The following ALDH6A1 variants were observed in gnomAD, a reference collection of about 807,000 sequenced individuals.
The protein encoded by ALDH6A1 is aldehyde dehydrogenase 6 family member A1.
In ALDH6A1, 43 loss-of-function variants were observed where a neutral mutation model predicts 62.6. The observed-to-expected ratio is 0.69, with a 90% CI of 0.54 to 0.89. The LOEUF (loss-of-function observed/expected upper bound fraction) is 0.89, where lower values mean the gene tolerates loss of function less well. Among genes scored for constraint, ALDH6A1 ranks in the 40% least tolerant of loss-of-function variants. The probability of loss-of-function intolerance (pLI) is 0.00; values close to 1 mark genes in which losing one functional copy is unlikely to be tolerated. For synonymous variants in ALDH6A1, 194 were observed against 234.2 expected (o/e 0.83, Z 1.57); for missense variants, 551 against 661.3 (o/e 0.83, Z 1.83).
intron 4 of ALDH6A1, 56 bp downstream of exon 4, chr14:74,072,147 G>T: frequency 6.2e-7 from 1 of 1,612,528 alleles, no homozygotes; most frequent in Non-Finnish European, 8.5e-7. Flanking sequence ...CTCTGTGAGA[G>T]TGACAAACAT....
In ALDH6A1 at chr14:74,064,893, G is replaced by A. The variant is rs201279537; in HGVS notation, c.1432C>T (p.Pro478Ser). Residue 478 changes from proline (P) to serine (S), a missense_variant, in exon 11 of 12, where the codon CCT becomes TCT. Transcript: ENST00000553458. ...QVGVNVPIPV[P>S]LPMFSFTGSR... Reference sequence around the variant, plus strand: ...CCGGTGAATGAGAACATTGGCAAAGGCACTGGAATGGGGACATTCACTCCC... The same window carrying A: ...CCGGTGAATGAGAACATTGGCAAAGACACTGGAATGGGGACATTCACTCCC... The A allele has an allele frequency of 1.2e-6, 2 of 1,614,032 alleles. No homozygotes were observed. The highest frequency in any genetic ancestry group is 2.2e-5 in the East Asian group (1 of 44,876).
Position 74,068,866 on chromosome 14 carries a change from G to A in ALDH6A1, c.846C>T (p.Ala282=), listed in dbSNP as rs570743109. 6.2e-6 allele frequency: 10 copies of A among 1,613,960 alleles called. No homozygotes were observed. The South Asian group carries it at 9.9e-5, about 16-fold the overall frequency. The stretch of plus-strand genomic sequence containing the variant: ...AAAAGGAATAAGAAGTCACCATATT[G>A]GCTTGAACCCTCTTGCCATGTCTTG... ...RGSRHGKRVQ[A]NMGAKNHGVV... Residue 282 remains alanine, a synonymous_variant, in exon 7 of 12, where the codon GCC becomes GCT. Coordinates refer to ENST00000553458, the MANE Select transcript of ALDH6A1 (RefSeq NM_005589.4).
In ALDH6A1 at chr14:74,068,855, G is replaced by A. The variant is rs764162485; in HGVS notation, c.852+5C>T. 3 of 1,613,858 alleles carry A rather than the reference G, an allele frequency of 1.9e-6. No homozygotes were observed. The highest frequency in any genetic ancestry group is 2.2e-5 in the South Asian group (2 of 91,080). On this transcript the variant is annotated splice_donor_5th_base_variant and intron_variant, in intron 7 of 11. Coordinates refer to ENST00000553458, the MANE Select transcript of ALDH6A1 (RefSeq NM_005589.4). ...AGATTGGAGAAAAAAGGAATAAGAA[G>A]TCACCATATTGGCTTGAACCCTCTT...
intron 11 of ALDH6A1, 175 bp downstream of exon 11, chr14:74,064,647 C>A: frequency 6.2e-7 from 1 of 1,607,970 alleles, no homozygotes; most frequent in South Asian, 1.1e-5. Context: ...CAGGAAGAAG[C>A]AGCTTTGGCA....
Position 74,057,097 on chromosome 14 carries a change from ATG to A in ALDH6A1, c.*3543_*3544del. ...AGTCTGTTATTCTAAACCAGGTTTCATGTGTGTAGAGTTGTTGACGGTTCTGT... is the reference window on the plus strand; with the variant it reads ...AGTCTGTTATTCTAAACCAGGTTTCATGTGTAGAGTTGTTGACGGTTCTGT... On this transcript the variant is annotated 3_prime_UTR_variant, in exon 12 of 12. Coordinates refer to ENST00000553458, the MANE Select transcript of ALDH6A1 (RefSeq NM_005589.4). 1 of 1,601,230 alleles carries A rather than the reference ATG, an allele frequency of 6.2e-7. No individual in the cohort carries two copies. Among genetic ancestry groups the A allele is most frequent in the Admixed American group, 1.7e-5 (1 of 57,990 alleles).
At chr14:74,077,481 C>T (rs2060624644) in intron 1 of ALDH6A1, among the ~76,000 whole-genome samples, 2 of 152,174 alleles carry the variant, frequency 1.3e-5, no homozygotes, top group Non-Finnish European at 2.9e-5. Context: ...CTGGCGAGGG[C>T]TTCTGTCCTG....
chr14:74,064,262 C>T (rs552845735), intron 11 of ALDH6A1, among the ~76,000 whole-genome samples: 8 of 149,532 alleles, frequency 5.4e-5, no homozygotes, highest in African/African-American at 2.0e-4. Flanking sequence ...CATGCCACAG[C>T]ACTCCAGCCT....
At chr14:74,062,088 G>A (rs930701414) in intron 11 of ALDH6A1, among the ~76,000 whole-genome samples, 7 of 147,742 alleles carry the variant, frequency 4.7e-5, no homozygotes, top group African/African-American at 1.0e-4. Flanking sequence ...AAAGCTGGGC[G>A]TGGTGGAGCC....
chr14:74,068,153 G>A (rs2060498530), intron 7 of ALDH6A1, among the ~76,000 whole-genome samples: 1 of 152,066 alleles, frequency 6.6e-6, no homozygotes, highest in Non-Finnish European at 1.5e-5. Flanking sequence ...GGGAGGCTGA[G>A]GTGGGTGGAT....
In ALDH6A1 at chr14:74,071,211, GATGATGTTT is replaced by G. The variant is rs1480055999; in HGVS notation, c.705_713del (p.Leu235_Ile238delinsPhe). The stretch of plus-strand genomic sequence containing the variant: ...GGCAGTTACCTTCATGCTGTCCATG[GATGATGTTT>G]AATGTTCCATCAGGGGCACCAGAAT... On this transcript the variant is annotated inframe_deletion, in exon 6 of 12. Coordinates refer to ENST00000553458, the MANE Select transcript of ALDH6A1 (RefSeq NM_005589.4). The G allele has an allele frequency of 6.2e-7, 1 of 1,613,980 alleles. No homozygotes were observed. The highest frequency in any genetic ancestry group is 1.3e-5 in the African/African-American group (1 of 74,910).
chr14:74,065,715 C>T, intron 9 of ALDH6A1: 1 of 275,842 alleles, frequency 3.6e-6, no homozygotes, highest in South Asian at 3.9e-5. Flanking sequence ...TTTTATAAAT[C>T]CAATCTATAG....
Position 74,072,521 on chromosome 14 carries a change from A to G in ALDH6A1, c.186+16T>C, listed in dbSNP as rs2060564125. 1.2e-6 allele frequency: 2 copies of G among 1,614,052 alleles called. No individual in the cohort carries two copies. The highest frequency in any genetic ancestry group is 1.7e-5 in the Admixed American group (1 of 59,980). On this transcript the variant is annotated intron_variant, in intron 3 of 11. Transcript: ENST00000553458. ...TCTAGGCTCATAAGTTGAAGTCCCA[A>G]AGCAGCTTCGCTTACTGGGTTGTGG...
intron 1 of ALDH6A1, among the ~76,000 whole-genome samples, chr14:74,082,403 T>G (rs904065926): frequency 9.4e-5 from 13 of 138,760 alleles, no homozygotes; most frequent in Non-Finnish European, 1.7e-4. Context: ...GTTTTTTTTT[T>G]TTTTTTTTTT....
intron 9 of ALDH6A1, chr14:74,065,658 G>T: frequency 3.0e-6 from 1 of 337,126 alleles, no homozygotes; most frequent in South Asian, 3.6e-5. Context: ...ATACCTGAAC[G>T]ACTAGTTTCA....
chr14:74,064,607 T>C (rs1000086842), intron 11 of ALDH6A1: 1 of 1,392,444 alleles, frequency 7.2e-7, no homozygotes, highest in Non-Finnish European at 1.0e-6. Context: ...CCCATGCTCT[T>C]TCCTCAAAAC....
intron 1 of ALDH6A1, 66 bp from the exon 2 acceptor site, chr14:74,075,083 AGC>A: frequency 2.1e-6 from 3 of 1,462,594 alleles, no homozygotes; most frequent in Non-Finnish European, 1.9e-6. Context: ...TTTAGCAAAT[AGC>A]TACTATATGC....
In ALDH6A1 at chr14:74,066,764, T is replaced by C. The variant is rs768541944; in HGVS notation, c.1165A>G (p.Lys389Glu). ...ASILLDGRKI[K>E]VKGYENGNFV... ...TTGCCATTTTCATAGCCTTTCACTT[T>C]AATTTTTCGTCCATCAAGAAGGATG... Residue 389 changes from lysine to glutamate, a missense_variant, in exon 9 of 12, where the codon AAA (lysine) becomes GAA (glutamate). Coordinates refer to ENST00000553458, the MANE Select transcript of ALDH6A1 (RefSeq NM_005589.4). 6.2e-6 allele frequency: 10 copies of C among 1,614,058 alleles called. No individual in the cohort carries two copies. In the East Asian group the frequency reaches 2.2e-4, roughly 36 times the overall value.
chr14:74,067,267 G>T, intron 8 of ALDH6A1, 113 bp downstream of exon 8: 1 of 1,247,444 alleles, frequency 8.0e-7, no homozygotes, highest in Non-Finnish European at 1.2e-6. Context: ...TATAAAGAGA[G>T]GAAATGGCAA....
intron 1 of ALDH6A1, among the ~76,000 whole-genome samples, chr14:74,080,518 C>A (rs139136596): frequency 6.6e-6 from 1 of 152,050 alleles, no homozygotes; most frequent in Non-Finnish European, 1.5e-5. Flanking sequence ...CAGGTGCACA[C>A]GACCTCGCTC....
Sources: gnomAD v4.1 joint callset for allele counts (sites outside exome capture counted in the v4.1 genomes callset) on GRCh38, gnomAD v4.1.1 for gene constraint, MANE v1.5 for transcripts, NCBI Gene and HGNC (gene_info 2026-07-23, HGNC 2026-07-21) for gene names.